Variants in MRPS18B observed in about 807,000 individuals in gnomAD.
MRPS18B encodes small ribosomal subunit protein mS40.
In MRPS18B, 27 loss-of-function variants were observed where a neutral mutation model predicts 28.4. That is an observed-to-expected ratio of 0.95 (90% confidence interval 0.70 to 1.31). MRPS18B has a LOEUF of 1.31. MRPS18B is among the 40% of genes most tolerant of loss of function. MRPS18B has a pLI of 0.00. For missense variants in MRPS18B, 343 were observed against 335.9 expected (o/e 1.02, Z -0.17); for synonymous variants, 118 against 123.7 (o/e 0.95, Z 0.30).
chr6:30,625,874 G>C lies in MRPS18B; in HGVS notation c.*77G>C. The C allele has an allele frequency of 6.9e-7, 1 of 1,449,172 alleles. No individual in the cohort carries two copies. The highest frequency in any genetic ancestry group is 9.4e-7 in the Non-Finnish European group (1 of 1,064,456). The allele number at this position is 1,449,172 out of a possible 1,614,324, so 89.8% of individuals were successfully genotyped here. A position where few individuals can be genotyped will look rare whatever the true frequency, so the allele number is the denominator to read the frequency against. The stretch of plus-strand genomic sequence containing the variant: ...CCAGCACTTTGGGAAGCCAAGGTGG[G>C]CTGATCACTTGATCCCAGGAGTTTG... On this transcript the variant is annotated 3_prime_UTR_variant, in exon 7 of 7. Coordinates refer to ENST00000259873, the MANE Select transcript of MRPS18B (RefSeq NM_014046.4).
At chr6:30,619,405 T>G (rs1760987633) in intron 1 of MRPS18B, 88 bp from the exon 2 acceptor site, 4 of 1,031,690 alleles carry the variant, frequency 3.9e-6, no homozygotes, top group Admixed American at 1.9e-5. Flanking sequence ...GCAGTATGTG[T>G]GCATTCCTCC....
chr6:30,622,874 A>G lies in MRPS18B; in HGVS notation c.397A>G (p.Ile133Val), dbSNP rs562692800. Residue 133 changes from isoleucine to valine, a missense_variant, in exon 5 of 7, where the codon ATC (isoleucine) becomes GTC (valine). Coordinates refer to ENST00000259873, the MANE Select transcript of MRPS18B (RefSeq NM_014046.4). ...LEQFVCAHTG[I>V]IFYAPYTGVC... ...GCAATTTGTCTGCGCCCACACGGGT[A>G]TCATCTTCTATGCTCCATACACAGG... The G allele has an allele frequency of 3.9e-5, 63 of 1,613,038 alleles. No individual in the cohort carries two copies. The highest frequency in any genetic ancestry group is 1.1e-4 in the East Asian group (5 of 44,890).
intron 4 of MRPS18B, 61 bp from the exon 5 acceptor site, chr6:30,622,771 A>T (rs1561873440): frequency 1.3e-6 from 2 of 1,537,796 alleles, no homozygotes; most frequent in Non-Finnish European, 1.8e-6. Context: ...TTCGATGTCC[A>T]AAGATCCTGC....
chr6:30,619,059 A>G (rs1040504176), intron 1 of MRPS18B, among the ~76,000 whole-genome samples: 1 of 152,144 alleles, frequency 6.6e-6, no homozygotes, highest in African/African-American at 2.4e-5. Context: ...CTGGGACTAC[A>G]GGCGCATGCC....
At position 30,617,889 on chromosome 6, in the gene MRPS18B, C is replaced by T. The variant is rs750755136; in HGVS notation, c.24C>T (p.Thr8=). 3.7e-6 allele frequency: 6 copies of T among 1,614,054 alleles called. No homozygotes were observed. Among genetic ancestry groups the T allele is most frequent in the African/African-American group, 2.7e-5 (2 of 74,908 alleles). Residue 8 remains threonine, a synonymous_variant, in exon 1 of 7, where the codon ACC becomes ACT. Coordinates refer to ENST00000259873, the MANE Select transcript of MRPS18B (RefSeq NM_014046.4). MAASVLN[T]VLRRLPMLSL... is the part of the protein sequence containing the mutation. ...AGATGGCGGCGTCTGTATTAAACACCGTGCTGAGGCGGCTTCCTATGCTAT... is the reference window on the plus strand; with the variant it reads ...AGATGGCGGCGTCTGTATTAAACACTGTGCTGAGGCGGCTTCCTATGCTAT...
At chr6:30,622,561 CAAAAAAAAA>C (rs554297101) in intron 4 of MRPS18B, among the ~76,000 whole-genome samples, 3,639 of 28,582 alleles carry the variant, frequency 0.13, 115 homozygotes, top group African/African-American at 0.24. Context: ...GACTCTGTCT[CAAAAAAAAA>C]AAAAAAAAAA....
intron 1 of MRPS18B, 71 bp downstream of exon 1, chr6:30,618,014 C>G: frequency 6.5e-7 from 1 of 1,529,236 alleles, no homozygotes; most frequent in Non-Finnish European, 9.0e-7. Context: ...GCTCCACTGT[C>G]AGGAATCCAC....
At position 30,625,826 on chromosome 6, in the gene MRPS18B, C is replaced by A. The variant is rs755445924; in HGVS notation, c.*29C>A. ...CTGTAGACTGGGAAGAGAGGCCAGGCGTGGTGGCTCACTCCTGTAATCCCA... is the reference window on the plus strand; with the variant it reads ...CTGTAGACTGGGAAGAGAGGCCAGGAGTGGTGGCTCACTCCTGTAATCCCA... On this transcript the variant is annotated 3_prime_UTR_variant, in exon 7 of 7. Transcript: ENST00000259873. The A allele has an allele frequency of 2.2e-5, 35 of 1,577,754 alleles. No homozygotes were observed. Among genetic ancestry groups the A allele is most frequent in the Non-Finnish European group, 4.3e-6 (5 of 1,155,852 alleles).
chr6:30,623,551 A>G (rs1384509601), intron 5 of MRPS18B, among the ~76,000 whole-genome samples: 2 of 152,138 alleles, frequency 1.3e-5, no homozygotes, highest in Non-Finnish European at 2.9e-5. Context: ...ATTCAGAATT[A>G]TATTTATTCC....
intron 4 of MRPS18B, 112 bp from the exon 5 acceptor site, chr6:30,622,720 G>T: frequency 2.2e-6 from 2 of 927,942 alleles, no homozygotes; most frequent in Non-Finnish European, 1.7e-6. Context: ...AGCTGTAGAG[G>T]GGTGAAGGTG....
chr6:30,622,455 C>T (rs1263715447), intron 4 of MRPS18B, among the ~76,000 whole-genome samples: 6 of 146,450 alleles, frequency 4.1e-5, no homozygotes, highest in Non-Finnish European at 4.5e-5. Context: ...CCCAGCTACT[C>T]GGGAGGCTAA....
Position 30,619,395 on chromosome 6 carries a change from G to GCAGT in MRPS18B, c.79-97_79-94dup. ...TGCATTCCTGTTATATTCCATTAAT[G>GCAGT]CAGTATGTGTGCATTCCTCCTTTCC... is the stretch of plus-strand genomic sequence containing the variant. On this transcript the variant is annotated intron_variant, in intron 1 of 6. Transcript: ENST00000259873. 11 of 902,394 alleles carry GCAGT rather than the reference G, an allele frequency of 1.2e-5. 1 individual carries two copies. The South Asian group carries it at 1.7e-4, about 14-fold the overall frequency. The allele number at this position is 902,394 out of a possible 1,614,324, so 55.9% of individuals were successfully genotyped here. A position where few individuals can be genotyped will look rare whatever the true frequency, so the allele number is the denominator to read the frequency against.
intron 1 of MRPS18B, among the ~76,000 whole-genome samples, chr6:30,618,186 A>T (rs192557902): frequency 6.6e-6 from 1 of 151,680 alleles, no homozygotes; most frequent in African/African-American, 2.4e-5. Flanking sequence ...AACTTAAGTG[A>T]TGGAATTGAC....
chr6:30,618,833 G>A (rs993568610), intron 1 of MRPS18B, among the ~76,000 whole-genome samples: 1 of 152,134 alleles, frequency 6.6e-6, no homozygotes, highest in African/African-American at 2.4e-5. Flanking sequence ...TTAGTTCCAA[G>A]AACCTAGATA....
chr6:30,621,326 C>T (rs1277381889), intron 4 of MRPS18B, among the ~76,000 whole-genome samples: 4 of 152,068 alleles, frequency 2.6e-5, no homozygotes, highest in Non-Finnish European at 4.4e-5. Flanking sequence ...TGCTTGAACC[C>T]GGGAGGCGGA....
chr6:30,620,983 G>A (rs1761121852), intron 4 of MRPS18B, among the ~76,000 whole-genome samples: 1 of 152,190 alleles, frequency 6.6e-6, no homozygotes, highest in Non-Finnish European at 1.5e-5. Context: ...TTATTTCCTT[G>A]TCAATGTTCA....
rs961658373 is a variant in MRPS18B at position 30,626,344 on chromosome 6, A to C, written c.*547A>C. 1.2e-5 allele frequency: 2 copies of C among 166,212 alleles called. No homozygotes were observed. The highest frequency in any genetic ancestry group is 2.6e-5 in the Non-Finnish European group (2 of 76,946). 10.3% of individuals were successfully genotyped at this position (166,212 alleles called of 1,614,324 possible). On this transcript the variant is annotated 3_prime_UTR_variant, in exon 7 of 7. Coordinates refer to ENST00000259873, the MANE Select transcript of MRPS18B (RefSeq NM_014046.4). ...GGGCTAAACATTGTTGCCGTTTCAT[A>C]CTTCTACCAACTCAGCTTTTACACA...
intron 4 of MRPS18B, among the ~76,000 whole-genome samples, chr6:30,620,347 T>G (rs1005647697): frequency 2.0e-5 from 3 of 151,688 alleles, no homozygotes; most frequent in Admixed American, 6.6e-5. Flanking sequence ...TAAAAAAAAT[T>G]AAAAAGAAAA....
In MRPS18B at chr6:30,623,183, AC is replaced by A. The variant is rs1180301502; in HGVS notation, c.421+286del. Among the ~76,000 whole-genome samples the A allele has an allele frequency of 2.6e-5, 4 of 152,092 alleles. No homozygotes were observed. The East Asian group carries it at 7.7e-4, about 29-fold the overall frequency. On this transcript the variant is annotated intron_variant, in intron 5 of 6. Coordinates refer to ENST00000259873, the MANE Select transcript of MRPS18B (RefSeq NM_014046.4). ...TGGGAGTTCGAGACCAGCCTGACCA[AC>A]ATGGAGAAACCCTGTGGTGATGCAT...
Sources: gnomAD v4.1 joint callset for allele counts (sites outside exome capture counted in the v4.1 genomes callset) on GRCh38, gnomAD v4.1.1 for gene constraint, MANE v1.5 for transcripts, NCBI Gene and HGNC (gene_info 2026-07-23, HGNC 2026-07-21) for gene names.